Variants in LATS2 observed in about 807,000 individuals in gnomAD.
LATS2 encodes serine/threonine-protein kinase LATS2.
A neutral mutation model predicts 76.0 loss-of-function variants in LATS2; 24 were observed. That is an observed-to-expected ratio of 0.32 (90% CI 0.23 to 0.44). LATS2 has a LOEUF of 0.44. LATS2 is among the 20% of genes least tolerant of loss of function. The pLI is 1.00. For synonymous variants in LATS2, 692 were observed against 635.4 expected, an observed-to-expected ratio of 1.09 and a Z score of -1.34; for missense variants, 1,286 against 1,481.2, an observed-to-expected ratio of 0.87 and a Z score of 2.16.
chr13:21,053,518 A>C (rs145719220), intron 1 of LATS2, among the ~76,000 whole-genome samples: 1 of 152,254 alleles, frequency 6.6e-6, no homozygotes, highest in East Asian at 1.9e-4. Context: ...ATCTGTTGAA[A>C]GACACAGGTA....
chr13:21,045,919 C>A lies in LATS2; in HGVS notation c.108G>T (p.Gly36=). The A allele has an allele frequency of 6.2e-7, 1 of 1,614,188 alleles. No individual in the cohort carries two copies. Among genetic ancestry groups the A allele is most frequent in the Non-Finnish European group, 8.5e-7 (1 of 1,180,036 alleles). ...TGTCACTGTTTGGTCCTGCGGGTAG[C>A]CCCTGAACCGAAGACTTGGATGGCT... ...LKQPSKSSVQ[G]LPAGPNSDTS... The change falls in exon 2 of 8, where the codon GGG becomes GGT. Residue 36 remains glycine, a synonymous_variant. Coordinates refer to ENST00000382592, the MANE Select transcript of LATS2 (RefSeq NM_014572.3).
At chr13:21,007,668 G>C (rs191412587) in intron 2 of LATS2, among the ~76,000 whole-genome samples, 2 of 1,266 alleles carry the variant, frequency 1.6e-3, no homozygotes, top group African/African-American at 4.9e-3. Flanking sequence ...TATATAGTGT[G>C]TATATATATA....
intron 2 of LATS2, chr13:21,005,629 T>C (rs900532335): frequency 9.9e-5 from 15 of 152,186 alleles, no homozygotes; most frequent in African/African-American, 2.9e-4. Flanking sequence ...GCACTCTTGC[T>C]GGGAACACTA....
At chr13:21,002,163 T>C (rs980410620) in intron 2 of LATS2, among the ~76,000 whole-genome samples, 2 of 151,948 alleles carry the variant, frequency 1.3e-5, no homozygotes, top group Admixed American at 6.6e-5. Flanking sequence ...TCCGCCCACC[T>C]TGGCCTCCTA....
rs1357097015 is a variant in LATS2, at chr13:21,041,720, TA to T, written c.342+3964del. 1.2e-4 allele frequency among the ~76,000 whole-genome samples: 18 copies of T among 152,160 alleles called. No homozygotes were observed. In the South Asian group the frequency reaches 3.7e-3, roughly 32 times the overall value. ...CTCGCATCCAAACAAAGTTCTCACA[TA>T]AGTCTTCCTAGAGGGGACACCATGT... On this transcript the variant is annotated intron_variant, in intron 2 of 7. Coordinates refer to ENST00000382592, the MANE Select transcript of LATS2 (RefSeq NM_014572.3).
At chr13:21,007,545 GTATATATATATATATATATATATATATA>G (rs71090549) in intron 2 of LATS2, among the ~76,000 whole-genome samples, 128 of 3,612 alleles carry the variant, frequency 0.035, 28 homozygotes, top group African/African-American at 0.13. Flanking sequence ...TATATATATA[GTATATATATATATATATATATATATATA>G]TATATATATA....
chr13:20,975,545 T>C (rs1334480455), intron 7 of LATS2, among the ~76,000 whole-genome samples, 181 bp from the exon 8 acceptor site: 1 of 152,230 alleles, frequency 6.6e-6, no homozygotes, highest in Non-Finnish European at 1.5e-5. Context: ...TTTCAGTCGA[T>C]GGCTCACAGC....
chr13:21,013,496 G>A (rs1240227409), intron 2 of LATS2, among the ~76,000 whole-genome samples: 5 of 152,156 alleles, frequency 3.3e-5, no homozygotes, highest in Non-Finnish European at 7.3e-5. Flanking sequence ...GCAATGGTAG[G>A]GTTACTTGGA....
In LATS2 at chr13:21,021,853, C is replaced by T. The variant is rs530172073; in HGVS notation, c.342+23832G>A. On this transcript the variant is annotated intron_variant, in intron 2 of 7. Transcript: ENST00000382592. The stretch of plus-strand genomic sequence containing the variant: ...GAGCCCCAGGGCACCTTTCACAGTG[C>T]CACAGAGACCAGTTCTGTCACCAAG... Among the ~76,000 whole-genome samples, 29 of 152,324 alleles carry T rather than the reference C, an allele frequency of 1.9e-4. No homozygotes were observed. In the East Asian group the frequency reaches 5.6e-3, roughly 29 times the overall value.
At chr13:21,015,600 A>G (rs1173084086) in intron 2 of LATS2, among the ~76,000 whole-genome samples, 1 of 152,232 alleles carries the variant, frequency 6.6e-6, no homozygotes, top group Non-Finnish European at 1.5e-5. Flanking sequence ...GTTGTTTTAA[A>G]TAGGATTTGG....
At chr13:20,993,106 C>T (rs796722822) in intron 2 of LATS2, among the ~76,000 whole-genome samples, 34 of 151,440 alleles carry the variant, frequency 2.2e-4, no homozygotes, top group Non-Finnish European at 3.7e-4. Context: ...TGGGGGAGGC[C>T]GTGCAGGGCT....
chr13:20,982,594 A>G (rs553495557), intron 5 of LATS2, among the ~76,000 whole-genome samples: 1 of 151,882 alleles, frequency 6.6e-6, no homozygotes, highest in Non-Finnish European at 1.5e-5. Flanking sequence ...TACAGGCGTG[A>G]GCCACCATGC....
intron 7 of LATS2, among the ~76,000 whole-genome samples, chr13:20,976,047 T>G (rs1170900412): frequency 1.3e-5 from 2 of 152,166 alleles, no homozygotes; most frequent in African/African-American, 4.8e-5. Flanking sequence ...CAGGAAAAAC[T>G]TCATAGGGAA....
intron 2 of LATS2, among the ~76,000 whole-genome samples, chr13:21,023,990 AAACAC>A (rs1190503296): frequency 6.0e-5 from 9 of 151,108 alleles, no homozygotes; most frequent in African/African-American, 2.2e-4. Context: ...AAACAAAACA[AAACAC>A]AACTCAGGGG....
In LATS2 at chr13:20,973,969, G is replaced by GA. The variant is rs1235492948; in HGVS notation, c.*900_*901insT. On this transcript the variant is annotated 3_prime_UTR_variant, in exon 8 of 8. Transcript: ENST00000382592. ...AGTTCAGTATATGACAAATGTTTCAGTTCCCCCCCCCCAAAGAATCCAATC... is the reference window on the plus strand; with the variant it reads ...AGTTCAGTATATGACAAATGTTTCAGATTCCCCCCCCCCAAAGAATCCAATC... 13 of 163,048 alleles carry GA rather than the reference G, an allele frequency of 8.0e-5. No individual in the cohort carries two copies. Among genetic ancestry groups the GA allele is most frequent in the African/African-American group, 4.9e-4 (12 of 24,680 alleles). 10.1% of individuals were successfully genotyped at this position (163,048 alleles called of 1,614,324 possible). A position where few individuals can be genotyped will look rare whatever the true frequency, so the allele number is the denominator to read the frequency against.
intron 2 of LATS2, among the ~76,000 whole-genome samples, chr13:21,013,474 C>T (rs59486194): frequency 0.015 from 2,215 of 152,254 alleles, 60 homozygotes; most frequent in African/African-American, 0.051. Flanking sequence ...AAGATCCAAA[C>T]GGCCAGGAAA....
intron 6 of LATS2, among the ~76,000 whole-genome samples, chr13:20,980,685 C>T (rs1418188046): frequency 6.6e-6 from 1 of 152,216 alleles, no homozygotes; most frequent in Non-Finnish European, 1.5e-5. Context: ...TTCACAACCT[C>T]TCAAGGTCGT....
intron 2 of LATS2, among the ~76,000 whole-genome samples, chr13:21,030,481 C>T (rs865990151): frequency 8.6e-5 from 13 of 150,792 alleles, no homozygotes; most frequent in Middle Eastern, 3.4e-3. Context: ...CCCAGCTACT[C>T]GGCAGGCTGA....
intron 6 of LATS2, among the ~76,000 whole-genome samples, chr13:20,980,962 T>C (rs900690829): frequency 1.3e-5 from 2 of 152,206 alleles, no homozygotes; most frequent in African/African-American, 4.8e-5. Flanking sequence ...TTATGAGCAC[T>C]AGTCATTTTA....
Sources: allele counts gnomAD v4.1 joint callset (sites outside exome capture counted in the v4.1 genomes callset), GRCh38; gene constraint gnomAD v4.1.1; transcripts MANE v1.5; gene names NCBI Gene and HGNC (gene_info 2026-07-23, HGNC 2026-07-21).